The following OGG1 variants were observed in gnomAD, a reference collection of about 807,000 sequenced individuals.
OGG1 encodes the protein N-glycosylase/DNA lyase.
Under a neutral mutation model 42.3 loss-of-function variants are expected in OGG1, and 35 were observed. The ratio of observed to expected loss-of-function variants is 0.83; its 90% CI spans 0.63 to 1.10. The LOEUF (loss-of-function observed/expected upper bound fraction) is 1.10. Among genes scored for constraint, OGG1 ranks in the 50% least tolerant of loss-of-function variants. The probability of loss-of-function intolerance (pLI) is 0.00; values close to 1 mark genes in which losing one functional copy is unlikely to be tolerated. For missense variants in OGG1, 484 were observed against 446.7 expected, an observed-to-expected ratio of 1.08 and a Z score of -0.75; for synonymous variants, 189 against 179.0, an observed-to-expected ratio of 1.06 and a Z score of -0.44.
chr3:9,773,463 C>T (rs1362663501), intron 2 of OGG1, among the ~76,000 whole-genome samples: 1 of 151,928 alleles, frequency 6.6e-6, no homozygotes, highest in Non-Finnish European at 1.5e-5. Flanking sequence ...ATGGCGTGGA[C>T]CCGGGAGGCA....
chr3:9,765,648 G>T, intron 7 of OGG1: 2 of 1,250,434 alleles, frequency 1.6e-6, no homozygotes, highest in Non-Finnish European at 2.2e-6. Context: ...TTATAAAGGG[G>T]CAATTTAAGG....
rs2077266120 is a variant in OGG1 at position 9,750,813 on chromosome 3, G to C, written c.138-132G>C. 3 of 1,127,912 alleles carry C rather than the reference G, an allele frequency of 2.7e-6. No homozygotes were observed. The East Asian group carries it at 7.5e-5, about 28-fold the overall frequency. 69.9% of individuals were successfully genotyped at this position (1,127,912 alleles called of 1,614,324 possible). On this transcript the variant is annotated intron_variant, in intron 1 of 6. Coordinates refer to ENST00000344629, the MANE Select transcript of OGG1 (RefSeq NM_002542.6). ...TTTTGTAGAGGTGAGGTTTCGCCAT[G>C]TTGCTCAGACTGGAAGATAGCACTG...
downstream of OGG1, chr3:9,760,786 CAT>C: frequency 6.2e-7 from 1 of 1,613,764 alleles, no homozygotes; most frequent in South Asian, 1.1e-5. Context: ...GGGAGAAACT[CAT>C]CCTCATTTCC....
chr3:9,787,048 G>C (rs769313331), intron 3 of OGG1: 1 of 1,614,234 alleles, frequency 6.2e-7, no homozygotes, highest in Non-Finnish European at 8.5e-7. Flanking sequence ...GGGCACCAAA[G>C]GGGCATCCAT....
chr3:9,752,158 A>C, intron 3 of OGG1: 2 of 601,200 alleles, frequency 3.3e-6, no homozygotes, highest in African/African-American at 1.9e-5. Flanking sequence ...TTTTTGCCCA[A>C]TGGGTTCAAT....
rs781120780 is a variant in OGG1, at chr3:9,750,310, C to A, written c.24C>A (p.Pro8=). 6.2e-7 allele frequency: 1 copy of A among 1,612,872 alleles called. No homozygotes were observed. The highest frequency in any genetic ancestry group is 1.3e-5 in the African/African-American group (1 of 74,908). Residue 8 remains proline (P), a synonymous_variant, in exon 1 of 7, where the codon CCC becomes CCA. Transcript: ENST00000344629. ...AAATGCCTGCCCGCGCGCTTCTGCC[C>A]AGGCGCATGGGGCATCGTACTCTAG... is the stretch of plus-strand genomic sequence containing the variant. MPARALL[P]RRMGHRTLAS...
chr3:9,779,711 GA>G (rs1206380296), intron 2 of OGG1: 3 of 152,260 alleles, frequency 2.0e-5, no homozygotes, highest in Admixed American at 6.5e-5. Flanking sequence ...GGCTAACCGT[GA>G]AGGCCACTCT....
At chr3:9,759,077 C>G (rs1434626981), downstream of OGG1, 1 of 907,734 alleles carries the variant, frequency 1.1e-6, no homozygotes, top group African/African-American at 1.6e-5. Flanking sequence ...GGGCTCCTGC[C>G]TCTCAGTCCC....
intron 3 of OGG1, 87 bp from the exon 4 acceptor site, chr3:9,754,617 T>C: frequency 6.9e-7 from 1 of 1,442,746 alleles, no homozygotes; most frequent in Admixed American, 1.9e-5. Flanking sequence ...AAAAGCACTC[T>C]TGTGAGGTAG....
chr3:9,754,440 G>A (rs2077443691), intron 3 of OGG1, among the ~76,000 whole-genome samples: 1 of 152,180 alleles, frequency 6.6e-6, no homozygotes, highest in African/African-American at 2.4e-5. Context: ...GCTCCTCAAG[G>A]GAAGCAAGTC....
At chr3:9,787,401 A>G (rs1339439569) in intron 3 of OGG1, 9 of 1,539,716 alleles carry the variant, frequency 5.8e-6, no homozygotes, top group South Asian at 1.3e-5. Context: ...TGCTTCATTC[A>G]TTCATTCACT....
At chr3:9,777,822 A>G (rs1475649110) in intron 2 of OGG1, among the ~76,000 whole-genome samples, 3 of 152,068 alleles carry the variant, frequency 2.0e-5, no homozygotes, top group Admixed American at 2.0e-4. Flanking sequence ...CACCATACTT[A>G]TGGTGTGGCC....
At chr3:9,773,487 G>A (rs748980389) in intron 2 of OGG1, among the ~76,000 whole-genome samples, 1 of 152,114 alleles carries the variant, frequency 6.6e-6, no homozygotes, top group Middle Eastern at 3.2e-3. Flanking sequence ...CTTGCAGTGA[G>A]CAGAGACCAC....
chr3:9,780,246 G>A (rs2078427773), intron 2 of OGG1: 1 of 1,194,806 alleles, frequency 8.4e-7, no homozygotes, highest in South Asian at 1.5e-5. Flanking sequence ...TCTAGAGACT[G>A]CCGCCATTTG....
At chr3:9,784,063 A>G in intron 3 of OGG1, 3 of 1,614,136 alleles carry the variant, frequency 1.9e-6, no homozygotes, top group South Asian at 1.1e-5. Flanking sequence ...GGTTGTGGGC[A>G]CTAAGTGCCT....
downstream of OGG1, chr3:9,761,082 C>G (rs374154979): frequency 1.3e-4 from 49 of 364,152 alleles, no homozygotes; most frequent in East Asian, 2.3e-3. Context: ...CTTCCCTGAC[C>G]TCCCTACTGA....
chr3:9,785,733 G>A (rs947842316), intron 3 of OGG1, among the ~76,000 whole-genome samples: 1 of 152,234 alleles, frequency 6.6e-6, no homozygotes, highest in Non-Finnish European at 1.5e-5. Flanking sequence ...GCCTGCTGTG[G>A]CGGAGATGCT....
intron 2 of OGG1, chr3:9,780,178 C>G (rs2078426246): frequency 1.7e-6 from 1 of 581,782 alleles, no homozygotes; most frequent in Non-Finnish European, 2.9e-6. Context: ...AGCAGGGCTT[C>G]CTGTGTCCTG....
chr3:9,760,777 G>T, downstream of OGG1: 1 of 1,613,924 alleles, frequency 6.2e-7, no homozygotes, highest in South Asian at 1.1e-5. Context: ...GCCTGGGCAG[G>T]GAGAAACTCA....
Sources: allele counts gnomAD v4.1 joint callset (sites outside exome capture counted in the v4.1 genomes callset), GRCh38; gene constraint gnomAD v4.1.1; transcripts MANE v1.5; gene names NCBI Gene and HGNC (gene_info 2026-07-23, HGNC 2026-07-21).